Variants in DIS3L observed in about 807,000 individuals in gnomAD.
The protein encoded by DIS3L is DIS3 like exosome 3'-5' exoribonuclease.
In DIS3L, 100 loss-of-function variants were observed where a neutral mutation model predicts 120.3. The ratio of observed to expected loss-of-function variants is 0.83; its 90% confidence interval spans 0.71 to 0.98. The LOEUF is 0.98. Ranked by LOEUF, DIS3L falls within the 50% of genes least tolerant of loss-of-function variation. The pLI is 0.00. For missense variants in DIS3L, 1,196 were observed against 1,314.2 expected (o/e 0.91, Z 1.39); for synonymous variants, 426 against 470.6 (o/e 0.91, Z 1.23).
upstream of DIS3L, chr15:66,293,475 C>G (rs1312833674): frequency 1.3e-5 from 16 of 1,230,162 alleles, no homozygotes; most frequent in Non-Finnish European, 1.5e-5. Flanking sequence ...CCGGGCCTCC[C>G]CCGGGCGCGG....
chr15:66,309,475 T>C (rs377521264), intron 4 of DIS3L, among the ~76,000 whole-genome samples: 7 of 152,260 alleles, frequency 4.6e-5, no homozygotes, highest in Admixed American at 2.0e-4. Context: ...ACCTATAAAA[T>C]GGCAGTTTGA....
chr15:66,333,444 T>C lies in DIS3L; in HGVS notation c.*132T>C, dbSNP rs2093024624. On this transcript the variant is annotated 3_prime_UTR_variant, in exon 17 of 17. Coordinates refer to ENST00000319212, the MANE Select transcript of DIS3L (RefSeq NM_001143688.3). ...AGCTATTTCGCATATATGTAAAATG[T>C]TCTCAGCCGGGCACGGTGGCTCACG... 2.9e-6 allele frequency: 3 copies of C among 1,052,372 alleles called. No individual in the cohort carries two copies. Among genetic ancestry groups the C allele is most frequent in the African/African-American group, 3.2e-5 (2 of 62,072 alleles). The allele number at this position is 1,052,372 out of a possible 1,614,324, so 65.2% of individuals were successfully genotyped here. A position where few individuals can be genotyped will look rare whatever the true frequency, so the allele number is the denominator to read the frequency against.
Position 66,295,139 on chromosome 15 carries a change from G to A in DIS3L, c.291G>A (p.Arg97=), listed in dbSNP as rs1282983178. ...AAGCTGTGCAGCATCAAAGAGGCAG[G>A]AGGTATACGTTTTGCATTCTTTATT... is the stretch of plus-strand genomic sequence containing the variant. ...ACQAVQHQRG[R]RQYNKLRNLL... The change falls in exon 2 of 17, where the codon AGG becomes AGA. Residue 97 remains arginine (R), a splice_region_variant and synonymous_variant. Transcript: ENST00000319212. 6.2e-7 allele frequency: 1 copy of A among 1,613,376 alleles called. No individual in the cohort carries two copies. The highest frequency in any genetic ancestry group is 8.5e-7 in the Non-Finnish European group (1 of 1,179,856).
chr15:66,314,233 T>TA, intron 6 of DIS3L, 116 bp downstream of exon 6: 1 of 739,268 alleles, frequency 1.4e-6, no homozygotes, highest in Non-Finnish European at 2.0e-6. Flanking sequence ...TATGCCTACA[T>TA]ACATTGGGTA....
At chr15:66,317,844 A>G (rs28475772) in intron 7 of DIS3L, among the ~76,000 whole-genome samples, 36,886 of 139,660 alleles carry the variant, frequency 0.26, 4,642 homozygotes, top group South Asian at 0.35. Context: ...TGTTTCTTAA[A>G]AAAAAAAAAA....
chr15:66,315,361 G>A (rs2092807128), intron 7 of DIS3L, 146 bp downstream of exon 7: 3 of 805,716 alleles, frequency 3.7e-6, no homozygotes, highest in Non-Finnish European at 5.4e-6. Context: ...TGTATAATAT[G>A]ATGATTTTTG....
intron 6 of DIS3L, 39 bp from the exon 7 acceptor site, chr15:66,314,997 T>A (rs1566946785): frequency 6.3e-7 from 1 of 1,599,466 alleles, no homozygotes; most frequent in Non-Finnish European, 8.5e-7. Flanking sequence ...TGCCATTCCC[T>A]TGGCTTTATG....
intron 7 of DIS3L, among the ~76,000 whole-genome samples, chr15:66,317,780 G>C (rs2092834976): frequency 6.6e-6 from 1 of 150,592 alleles, no homozygotes; most frequent in African/African-American, 2.4e-5. Flanking sequence ...AACATATTAT[G>C]ATAGTATCTG....
chr15:66,332,811 T>C lies in DIS3L; in HGVS notation c.2757T>C (p.Ser919=). ...LVISCGPDSC[S]EWKPGSLQRF... Reference sequence around the variant, plus strand: ...TCTCATGTGGCCCAGATAGCTGTTCTGAATGGAAACCAGGATCCCTTCAAC... The same window carrying C: ...TCTCATGTGGCCCAGATAGCTGTTCCGAATGGAAACCAGGATCCCTTCAAC... Residue 919 remains serine, a synonymous_variant, in exon 16 of 17, where the codon TCT becomes TCC. Coordinates refer to ENST00000319212, the MANE Select transcript of DIS3L (RefSeq NM_001143688.3). 1 of 1,614,084 alleles carries C rather than the reference T, an allele frequency of 6.2e-7. No individual in the cohort carries two copies. Among genetic ancestry groups the C allele is most frequent in the Non-Finnish European group, 8.5e-7 (1 of 1,179,994 alleles).
At chr15:66,328,670 TC>T (rs2092963914) in intron 12 of DIS3L, among the ~76,000 whole-genome samples, 1 of 152,258 alleles carries the variant, frequency 6.6e-6, no homozygotes, top group East Asian at 1.9e-4. Context: ...TGTAAAGAAT[TC>T]AATTCAACGA....
intron 9 of DIS3L, among the ~76,000 whole-genome samples, chr15:66,321,570 T>C (rs1264922373): frequency 1.3e-5 from 2 of 152,064 alleles, no homozygotes; most frequent in African/African-American, 4.8e-5. Context: ...GAGACCAGCC[T>C]GGCCAACATG....
chr15:66,323,639 G>A (rs779025768), intron 11 of DIS3L, 54 bp downstream of exon 11: 6 of 1,563,746 alleles, frequency 3.8e-6, no homozygotes, highest in Non-Finnish European at 3.5e-6. Flanking sequence ...TGTGGCTCCT[G>A]ATGCTGCCTG....
In DIS3L at chr15:66,325,805, T is replaced by C. The variant is rs202038948; in HGVS notation, c.1668-26T>C. The C allele has an allele frequency of 3.3e-5, 52 of 1,564,168 alleles. No homozygotes were observed. The East Asian group carries it at 1.1e-3, about 33-fold the overall frequency. On this transcript the variant is annotated intron_variant, in intron 11 of 16. Coordinates refer to ENST00000319212, the MANE Select transcript of DIS3L (RefSeq NM_001143688.3). ...AAAGCCAGATGAATTTGAATAGTGA[T>C]GTTGTCAATGTTACTGTTTTTGTAG...
rs774579467 is a variant in DIS3L, at chr15:66,329,097, T to C, written c.2329T>C (p.Cys777Arg). The C allele has an allele frequency of 1.2e-6, 2 of 1,613,468 alleles. No individual in the cohort carries two copies. Among genetic ancestry groups the C allele is most frequent in the Admixed American group, 1.7e-5 (1 of 59,768 alleles). Residue 777 changes from cysteine (C) to arginine (R), a missense_variant, in exon 13 of 17, where the codon TGT (cysteine) becomes CGT (arginine). Cys to Arg is a radical substitution (Grantham distance 180). Coordinates refer to ENST00000319212, the MANE Select transcript of DIS3L (RefSeq NM_001143688.3). ...SNALYFSTGS[C>R]AEEEFHHYGL... Reference sequence around the variant, plus strand: ...TGCTCTGTACTTCTCCACCGGATCCTGTGCGGAGGAGGAGTTCCATCATTA... The same window carrying C: ...TGCTCTGTACTTCTCCACCGGATCCCGTGCGGAGGAGGAGTTCCATCATTA...
chr15:66,318,587 G>C lies in DIS3L; in HGVS notation c.1133G>C (p.Arg378Pro). The stretch of plus-strand genomic sequence containing the variant: ...TGGGATTACAGAATTCCCAAAATTC[G>C]AATTAGCACTCAGCAAGCAGAAACC... ...TPWDYRIPKIRISTQQAETLQ... is the reference protein window; with the variant it reads ...TPWDYRIPKIPISTQQAETLQ... Residue 378 changes from arginine to proline, a missense_variant, in exon 8 of 17, where the codon CGA (arginine) becomes CCA (proline). Physicochemically the swap from Arg to Pro is moderately radical, Grantham distance 103 (BLOSUM62 -2). Transcript: ENST00000319212. 1 of 1,613,952 alleles carries C rather than the reference G, an allele frequency of 6.2e-7. No individual in the cohort carries two copies. Among genetic ancestry groups the C allele is most frequent in the South Asian group, 1.1e-5 (1 of 91,072 alleles).
rs2092546955 is a variant in DIS3L, at chr15:66,293,634, C to T, written c.38C>T (p.Thr13Ile). The T allele has an allele frequency of 1.4e-6, 2 of 1,442,748 alleles. No homozygotes were observed. Among genetic ancestry groups the T allele is most frequent in the Non-Finnish European group, 9.1e-7 (1 of 1,099,426 alleles). The allele number at this position is 1,442,748 out of a possible 1,614,324, so 89.4% of individuals were successfully genotyped here. ...CGGGAGAAGGTGCTGCTGCTGAGGA[C>T]CTTCCAGGGCCGCACGCTGCGGATC... ...QKREKVLLLR[T>I]FQGRTLRIVR... Residue 13 changes from threonine (T) to isoleucine (I), a missense_variant, in exon 1 of 17, where the codon ACC (threonine) becomes ATC (isoleucine). Thr to Ile is a moderately conservative substitution (Grantham distance 89). Transcript: ENST00000319212.
intron 12 of DIS3L, chr15:66,326,589 A>T: frequency 5.9e-6 from 3 of 507,616 alleles, no homozygotes; most frequent in Admixed American, 3.6e-5. Context: ...TTTTGTTTCA[A>T]TTTTTTTTTA....
intron 4 of DIS3L, 72 bp downstream of exon 4, chr15:66,308,916 G>T (rs8025589): frequency 0.24 from 351,311 of 1,467,724 alleles, 44,823 homozygotes; most frequent in Admixed American, 0.26. Context: ...AGATCCCTTT[G>T]GTAACACAGA....
chr15:66,317,173 T>C (rs1442790560), intron 7 of DIS3L, among the ~76,000 whole-genome samples: 3 of 151,820 alleles, frequency 2.0e-5, no homozygotes, highest in Admixed American at 2.0e-4. Flanking sequence ...TCTTAGCAAC[T>C]GTCACAACTT....
Sources: gnomAD v4.1 joint callset for allele counts (sites outside exome capture counted in the v4.1 genomes callset) on GRCh38, gnomAD v4.1.1 for gene constraint, MANE v1.5 for transcripts, NCBI Gene and HGNC (gene_info 2026-07-23, HGNC 2026-07-21) for gene names.